HYDIN: variants seen among roughly 807,000 people sequenced by gnomAD.
The protein encoded by HYDIN is axonemal central pair apparatus protein HYDIN.
In HYDIN, 132 loss-of-function variants were observed where a neutral mutation model predicts 403.9. The observed-to-expected ratio is 0.33, with a 90% confidence interval of 0.28 to 0.38. HYDIN has a LOEUF of 0.38. Ranked by LOEUF, HYDIN falls within the 10% of genes least tolerant of loss-of-function variation. The pLI is 1.00. For synonymous variants in HYDIN, 1,202 were observed against 1,891.7 expected (o/e 0.64, Z 9.46); for missense variants, 2,827 against 5,009.5 (o/e 0.56, Z 13.15).
At chr16:71,138,950 G>T (rs1456638701) in intron 7 of HYDIN, among the ~76,000 whole-genome samples, 1 of 152,088 alleles carries the variant, frequency 6.6e-6, no homozygotes, top group African/African-American at 2.4e-5. Context: ...TGGGCATGGT[G>T]GCGCATGCCT....
At chr16:71,154,916 G>A (rs1280612613) in intron 6 of HYDIN, among the ~76,000 whole-genome samples, 2 of 126,134 alleles carry the variant, frequency 1.6e-5, no homozygotes, top group Non-Finnish European at 3.2e-5. Flanking sequence ...GAGGATTAAA[G>A]GGGTTGATAT....
intron 64 of HYDIN, 37 bp from the exon 65 acceptor site, chr16:70,872,216 G>A (rs2040153577): frequency 1.0e-6 from 1 of 993,984 alleles, no homozygotes. Flanking sequence ...AGTCCTCCCT[G>A]GCCTCCCCTG....
rs76124423 is a variant in HYDIN at position 71,178,083 on chromosome 16, A to G, written c.381+845T>C. 8.5e-3 allele frequency among the ~76,000 whole-genome samples: 1,287 copies of G among 152,284 alleles called. 17 individuals carry two copies. The highest frequency in any genetic ancestry group is 0.029 in the African/African-American group (1,223 of 41,558). On this transcript the variant is annotated intron_variant, in intron 4 of 85. Transcript: ENST00000393567. ...TTTAGAAGTGAAAAGAAGGCTTTTA[A>G]AAAGGTACAATTTGCAGACTATAAA...
At position 70,906,721 on chromosome 16, in the gene HYDIN, T is replaced by C. The variant is rs528980405; in HGVS notation, c.8516+651A>G. ...CATCTGACTTCTCACTTCACTTTGCTTGGGCACAGAACTCTTGCTAAGGCC... is the reference window on the plus strand; with the variant it reads ...CATCTGACTTCTCACTTCACTTTGCCTGGGCACAGAACTCTTGCTAAGGCC... On this transcript the variant is annotated intron_variant, in intron 50 of 85. Transcript: ENST00000393567. Among the ~76,000 whole-genome samples, 930 of 152,058 alleles carry C rather than the reference T, an allele frequency of 6.1e-3. 11 individuals are homozygous for C. Among genetic ancestry groups the C allele is most frequent in the African/African-American group, 0.021 (892 of 41,492 alleles).
chr16:70,872,409 TCCA>T (rs2040174580), intron 64 of HYDIN, among the ~76,000 whole-genome samples: 2 of 130,892 alleles, frequency 1.5e-5, no homozygotes, highest in East Asian at 2.1e-4. Flanking sequence ...CATCCATCCA[TCCA>T]TCATCCACCC....
chr16:71,083,858 C>A (rs2082856966), intron 12 of HYDIN, among the ~76,000 whole-genome samples: 1 of 125,332 alleles, frequency 8.0e-6, no homozygotes, highest in Non-Finnish European at 1.6e-5. Flanking sequence ...TCTTGGTTAT[C>A]AGATCAACTG....
At chr16:70,859,719 C>G (rs2039283764) in intron 71 of HYDIN, among the ~76,000 whole-genome samples, 2 of 152,296 alleles carry the variant, frequency 1.3e-5, no homozygotes, top group Middle Eastern at 3.4e-3. Context: ...GTCCTTTCAC[C>G]ATTTTTGGTC....
At chr16:71,070,495 A>C (rs2082434170) in intron 13 of HYDIN, among the ~76,000 whole-genome samples, 1 of 142,634 alleles carries the variant, frequency 7.0e-6, no homozygotes, top group African/African-American at 2.8e-5. Context: ...CGCCCATCCA[A>C]TTTTTGTATT....
At chr16:70,887,622 G>A (rs1170310137) in intron 58 of HYDIN, among the ~76,000 whole-genome samples, 1 of 151,750 alleles carries the variant, frequency 6.6e-6, no homozygotes. Flanking sequence ...AATTTGTTGT[G>A]AGAACAATAA....
rs1039871678 is a variant in HYDIN at position 71,062,162 on chromosome 16, C to T, written c.2376+7G>A. ...TTTCAATTGCAGTTCTGAAAATGGA[C>T]TCTCACCAAAGGGGGGTCCTGGCTC... On this transcript the variant is annotated splice_region_variant and intron_variant, in intron 17 of 85. Transcript: ENST00000393567. 4.4e-6 allele frequency: 5 copies of T among 1,129,044 alleles called. No homozygotes were observed. The highest frequency in any genetic ancestry group is 6.4e-6 in the Non-Finnish European group (5 of 787,380). The allele number at this position is 1,129,044 out of a possible 1,614,324, so 69.9% of individuals were successfully genotyped here. A position where few individuals can be genotyped will look rare whatever the true frequency, so the allele number is the denominator to read the frequency against.
chr16:71,222,413 T>C (rs1293188946), intron 1 of HYDIN, among the ~76,000 whole-genome samples: 1 of 152,050 alleles, frequency 6.6e-6, no homozygotes, highest in Non-Finnish European at 1.5e-5. Flanking sequence ...GCCTTCCCTG[T>C]GAGAACTAGA....
chr16:70,980,556 A>T (rs1395077845), intron 29 of HYDIN, among the ~76,000 whole-genome samples: 1 of 147,702 alleles, frequency 6.8e-6, no homozygotes, highest in Non-Finnish European at 1.5e-5. Context: ...AATATAAATT[A>T]TATATATATA....
rs951083054 is a variant in HYDIN at position 70,804,980 on chromosome 16, T to A, written c.*2600A>T. Among the ~76,000 whole-genome samples, 1 of 152,228 alleles carries A rather than the reference T, an allele frequency of 6.6e-6. No individual in the cohort carries two copies. The highest frequency in any genetic ancestry group is 1.5e-5 in the Non-Finnish European group (1 of 68,034). On this transcript the variant is annotated 3_prime_UTR_variant, in exon 86 of 86. Transcript: ENST00000393567. Reference sequence around the variant, plus strand: ...ATGTTAGACAAGATTTCAGACAGCTTCTTCCACCTTTTCTTTAGTCTTAGG... The same window carrying A: ...ATGTTAGACAAGATTTCAGACAGCTACTTCCACCTTTTCTTTAGTCTTAGG...
At chr16:71,130,461 T>C (rs1262293269) in intron 8 of HYDIN, among the ~76,000 whole-genome samples, 2 of 145,360 alleles carry the variant, frequency 1.4e-5, no homozygotes, top group African/African-American at 5.0e-5. Flanking sequence ...GGCAACTCCA[T>C]ATATACCGGT....
At chr16:70,868,433 C>G (rs1425785661) in intron 66 of HYDIN, 137 bp downstream of exon 66, 3 of 1,371,678 alleles carry the variant, frequency 2.2e-6, no homozygotes, top group South Asian at 2.9e-5. Flanking sequence ...TTTAGTTTGT[C>G]ACTTTTGGAG....
chr16:71,037,667 G>GTGGC (rs2081136821), intron 18 of HYDIN, among the ~76,000 whole-genome samples: 2 of 152,110 alleles, frequency 1.3e-5, no homozygotes, highest in African/African-American at 4.8e-5. Context: ...CGGCTCCAAA[G>GTGGC]TGGCTGAAAG....
At chr16:71,215,962 T>C (rs1325800717) in intron 1 of HYDIN, among the ~76,000 whole-genome samples, 2 of 152,186 alleles carry the variant, frequency 1.3e-5, no homozygotes, top group Non-Finnish European at 2.9e-5. Flanking sequence ...AATCTGAGTC[T>C]GATAATTCTG....
At chr16:70,931,211 T>G (rs867662305) in intron 45 of HYDIN, among the ~76,000 whole-genome samples, 15 of 12,552 alleles carry the variant, frequency 1.2e-3, no homozygotes, top group African/African-American at 3.2e-3. Flanking sequence ...CTTTCTTCTG[T>G]TTTTTTTTTT....
At chr16:71,047,305 C>G (rs1022408065) in intron 18 of HYDIN, among the ~76,000 whole-genome samples, 19 of 152,196 alleles carry the variant, frequency 1.2e-4, no homozygotes, top group Non-Finnish European at 2.2e-4. Flanking sequence ...GGTGCTGACC[C>G]ATCATCATGT....
Sources: allele counts gnomAD v4.1 joint callset (sites outside exome capture counted in the v4.1 genomes callset), GRCh38; gene constraint gnomAD v4.1.1; transcripts MANE v1.5; gene names NCBI Gene and HGNC (gene_info 2026-07-23, HGNC 2026-07-21).